The following ACY3 variants were observed in gnomAD, a reference collection of about 807,000 sequenced individuals.
ACY3 encodes aminoacylase 3.
ACY3 carries 20 observed loss-of-function variants against 24.6 expected under a neutral mutation model. The observed-to-expected ratio is 0.81, with a 90% confidence interval of 0.57 to 1.18. The LOEUF is 1.18. ACY3 is among the 50% of genes most tolerant of loss of function. The pLI is 0.00. For synonymous variants in ACY3, 174 were observed against 188.4 expected (o/e 0.92, Z 0.62); for missense variants, 423 against 426.8 (o/e 0.99, Z 0.08).
chr11:67,646,258 T>TA (rs1280586929), intron 3 of ACY3, among the ~76,000 whole-genome samples: 2 of 152,208 alleles, frequency 1.3e-5, no homozygotes, highest in Non-Finnish European at 2.9e-5. Flanking sequence ...AGTCAGCCTT[T>TA]GGGGCTTGGC....
chr11:67,644,638 G>T (rs1021205545), intron 7 of ACY3, 122 bp downstream of exon 7: 2 of 898,992 alleles, frequency 2.2e-6, no homozygotes, highest in African/African-American at 1.7e-5. Context: ...CGAGATGCTG[G>T]TGAGCTCGTG....
In ACY3 at chr11:67,646,724, G is replaced by GC. The variant is rs1855522475; in HGVS notation, c.236+83dup. 1.3e-5 allele frequency: 16 copies of GC among 1,271,690 alleles called. No homozygotes were observed. In the South Asian group the frequency reaches 2.0e-4, roughly 16 times the overall value. The allele number at this position is 1,271,690 out of a possible 1,614,324, so 78.8% of individuals were successfully genotyped here. On this transcript the variant is annotated intron_variant, in intron 3 of 7. Coordinates refer to ENST00000255082, the MANE Select transcript of ACY3 (RefSeq NM_080658.2). ...GGAAGCAGGAGTGAAGGCAGGGAGG[G>GC]CCCTGCTGGTGGCGGGAGGGAAGTT...
At chr11:67,648,640 G>A (rs760011737) in intron 1 of ACY3, among the ~76,000 whole-genome samples, 20 of 152,284 alleles carry the variant, frequency 1.3e-4, no homozygotes, top group Non-Finnish European at 2.4e-4. Context: ...GGCCAGTCCA[G>A]CCCTGCTCCA....
rs145716789 is a variant in ACY3, at chr11:67,642,609, C to T, written c.*115G>A. The T allele has an allele frequency of 7.8e-4, 861 of 1,102,654 alleles. 9 individuals carry two copies. In the African/African-American group the frequency reaches 0.012, roughly 15 times the overall value. 68.3% of individuals were successfully genotyped at this position (1,102,654 alleles called of 1,614,324 possible). On this transcript the variant is annotated 3_prime_UTR_variant, in exon 8 of 8. Transcript: ENST00000255082. ...AAATTGAGGCCAGGGGTTGGGGAGG[C>T]CTGGCAAGGAACATGGTGCATGGTA... is the stretch of plus-strand genomic sequence containing the variant.
At position 67,645,691 on chromosome 11, in the gene ACY3, C is replaced by A; in HGVS notation, c.432+1G>T. On this transcript the variant is annotated splice_donor_variant, in intron 4 of 7. Transcript: ENST00000255082. LOFTEE classifies it high-confidence loss of function. ...AGCTGTGTGCTTGGGGCCGGGGCCACCTGCAGATGGCGGCACAGGTGCATG... is the reference window on the plus strand; with the variant it reads ...AGCTGTGTGCTTGGGGCCGGGGCCAACTGCAGATGGCGGCACAGGTGCATG... The A allele has an allele frequency of 6.3e-7, 1 of 1,598,102 alleles. No individual in the cohort carries two copies. The highest frequency in any genetic ancestry group is 8.5e-7 in the Non-Finnish European group (1 of 1,172,250).
chr11:67,646,937 T>TGC lies in ACY3; in HGVS notation c.105_106dup (p.His36ArgfsTer56). On this transcript the variant is annotated frameshift_variant, in exon 3 of 8. Transcript: ENST00000255082. LOFTEE classifies it high-confidence loss of function. ...GGCTCTCTGCAGCTCTGCGGGGGCATGCAGCCAGTGCCGGGCCAGGTAGAC... is the reference window on the plus strand; with the variant it reads ...GGCTCTCTGCAGCTCTGCGGGGGCATGCGCAGCCAGTGCCGGGCCAGGTAGAC... The TGC allele has an allele frequency of 6.2e-7, 1 of 1,602,434 alleles. No homozygotes were observed. The highest frequency in any genetic ancestry group is 1.7e-4 in the Middle Eastern group (1 of 6,036).
rs764029118 is a variant in ACY3 at position 67,646,819 on chromosome 11, G to C, written c.225C>G (p.Ser75Arg). Residue 75 changes from serine to arginine, a missense_variant, in exon 3 of 8, where the codon AGC (serine) becomes AGG (arginine). Ser to Arg is a moderately radical substitution (Grantham distance 110). Coordinates refer to ENST00000255082, the MANE Select transcript of ACY3 (RefSeq NM_080658.2). ...VDHDLNRTFT[S>R]SFLNSRPTPD... ...GCAAAAGCACTCACTTGAGGAAGCTGCTGGTGAAGGTGCGGTTGAGGTCAT... is the reference window on the plus strand; with the variant it reads ...GCAAAAGCACTCACTTGAGGAAGCTCCTGGTGAAGGTGCGGTTGAGGTCAT... 1.2e-6 allele frequency: 2 copies of C among 1,613,040 alleles called. No individual in the cohort carries two copies. Among genetic ancestry groups the C allele is most frequent in the South Asian group, 2.2e-5 (2 of 91,046 alleles).
rs754555869 is a variant in ACY3 at position 67,647,016 on chromosome 11, G to T, written c.28C>A (p.Pro10Thr). The change falls in exon 3 of 8, where the codon CCC (proline) becomes ACC (threonine). Residue 10 changes from proline to threonine, a missense_variant. Physicochemically the swap from Pro to Thr is conservative, Grantham distance 38. Transcript: ENST00000255082. MCSLPVPRE[P>T]LRRVAVTGGT... The stretch of plus-strand genomic sequence containing the variant: ...CCAGTCACAGCCACGCGACGCAGGG[G>T]CTCCCGGGGCACAGGCAGTGAGCAC... 1.3e-6 allele frequency: 2 copies of T among 1,547,402 alleles called. No homozygotes were observed. Among genetic ancestry groups the T allele is most frequent in the Admixed American group, 2.0e-5 (1 of 50,842 alleles).
intron 1 of ACY3, 121 bp downstream of exon 1, chr11:67,650,462 C>T (rs554767612): frequency 3.3e-4 from 50 of 152,360 alleles, no homozygotes; most frequent in African/African-American, 1.2e-3. Context: ...TGAGCCCACC[C>T]GTTGTGTGGG....
rs750996158 is a variant in ACY3 at position 67,642,959 on chromosome 11, C to A, written c.745-20G>T. The A allele has an allele frequency of 1.2e-6, 2 of 1,608,430 alleles. No homozygotes were observed. Among genetic ancestry groups the A allele is most frequent in the East Asian group, 2.2e-5 (1 of 44,662 alleles). On this transcript the variant is annotated intron_variant, in intron 7 of 7. Coordinates refer to ENST00000255082, the MANE Select transcript of ACY3 (RefSeq NM_080658.2). Reference sequence around the variant, plus strand: ...TCGGTCCTGGGAGGAGAGCCAAAGGCCAAGATTGCTGGGGCCACCTCTGCC... The same window carrying A: ...TCGGTCCTGGGAGGAGAGCCAAAGGACAAGATTGCTGGGGCCACCTCTGCC...
rs1449103455 is a variant in ACY3, at chr11:67,645,274, G to C, written c.526+13C>G. 6.2e-7 allele frequency: 1 copy of C among 1,613,346 alleles called. No homozygotes were observed. Among genetic ancestry groups the C allele is most frequent in the South Asian group, 1.1e-5 (1 of 91,044 alleles). ...TCCTGGCCCCGCCCACTTCTCAGAA[G>C]GCTGCGGCCCACCCAGTCCATTTTT... On this transcript the variant is annotated intron_variant, in intron 5 of 7. Coordinates refer to ENST00000255082, the MANE Select transcript of ACY3 (RefSeq NM_080658.2).
chr11:67,647,097 C>T (rs762098558), intron 2 of ACY3, 34 bp from the exon 3 acceptor site: 21 of 1,391,348 alleles, frequency 1.5e-5, no homozygotes, highest in Admixed American at 5.4e-5. Context: ...ACCCTGGCCC[C>T]GATGCAAGGG....
intron 4 of ACY3, 140 bp downstream of exon 4, chr11:67,645,552 G>T: frequency 8.0e-7 from 1 of 1,253,754 alleles, no homozygotes; most frequent in Non-Finnish European, 1.1e-6. Context: ...CTGGCGAGTG[G>T]CAGACCCCAG....
At chr11:67,649,033 C>T (rs1423370998) in intron 1 of ACY3, among the ~76,000 whole-genome samples, 4 of 152,212 alleles carry the variant, frequency 2.6e-5, no homozygotes, top group African/African-American at 9.7e-5. Flanking sequence ...CCGGCCCAGC[C>T]CTGGGGGCAG....
intron 3 of ACY3, among the ~76,000 whole-genome samples, chr11:67,646,232 C>A (rs963127597): frequency 2.0e-5 from 3 of 152,250 alleles, no homozygotes; most frequent in Non-Finnish European, 4.4e-5. Context: ...CACCTCTCTT[C>A]CCCTGGCTAG....
chr11:67,649,937 T>C (rs1006547005), intron 1 of ACY3, among the ~76,000 whole-genome samples: 1 of 133,850 alleles, frequency 7.5e-6, no homozygotes, highest in Admixed American at 6.9e-5. Context: ...TGTGTGCGTG[T>C]GTGTGTGTTG....
chr11:67,646,456 C>T (rs1229080457), intron 3 of ACY3, among the ~76,000 whole-genome samples: 1 of 152,222 alleles, frequency 6.6e-6, no homozygotes, highest in Non-Finnish European at 1.5e-5. Flanking sequence ...CTGGCCAGAG[C>T]CTGGCCTGGA....
At chr11:67,649,740 CG>C (rs1855586278) in intron 1 of ACY3, among the ~76,000 whole-genome samples, 1 of 141,236 alleles carries the variant, frequency 7.1e-6, no homozygotes, top group East Asian at 2.0e-4. Flanking sequence ...AGCATGTGTG[CG>C]TGTGTGCGCA....
chr11:67,645,675 C>G lies in ACY3; in HGVS notation c.432+17G>C. 6.3e-7 allele frequency: 1 copy of G among 1,583,418 alleles called. No homozygotes were observed. The highest frequency in any genetic ancestry group is 1.3e-5 in the African/African-American group (1 of 74,454). ...CCACTCCCCTCTGGGGAGCTGTGTG[C>G]TTGGGGCCGGGGCCACCTGCAGATG... On this transcript the variant is annotated intron_variant, in intron 4 of 7. Coordinates refer to ENST00000255082, the MANE Select transcript of ACY3 (RefSeq NM_080658.2).
Sources: allele counts gnomAD v4.1 joint callset (sites outside exome capture counted in the v4.1 genomes callset), GRCh38; gene constraint gnomAD v4.1.1; transcripts MANE v1.5; gene names NCBI Gene and HGNC (gene_info 2026-07-23, HGNC 2026-07-21).